ACSM2B: variants seen among roughly 807,000 people sequenced by gnomAD.
ACSM2B encodes the protein acyl-CoA synthetase medium chain family member 2B.
In ACSM2B, 58 loss-of-function variants were observed where a neutral mutation model predicts 78.6. The observed-to-expected ratio is 0.74, with a 90% CI of 0.60 to 0.92. The LOEUF (loss-of-function observed/expected upper bound fraction) is 0.92. Among genes scored for constraint, ACSM2B ranks in the 40% least tolerant of loss-of-function variants. The probability of loss-of-function intolerance (pLI) is 0.00; values close to 1 mark genes in which losing one functional copy is unlikely to be tolerated. For synonymous variants in ACSM2B, 257 were observed against 256.8 expected (o/e 1.00, Z -0.01); for missense variants, 688 against 711.2 (o/e 0.97, Z 0.37).
intron 1 of ACSM2B, among the ~76,000 whole-genome samples, chr16:20,567,355 T>C (rs2015936223): frequency 8.6e-6 from 1 of 116,744 alleles, no homozygotes; most frequent in Non-Finnish European, 1.6e-5. Flanking sequence ...AAATATATTA[T>C]ATATTATATA....
At chr16:20,549,339 T>G (rs537177701) in intron 6 of ACSM2B, among the ~76,000 whole-genome samples, 2 of 152,044 alleles carry the variant, frequency 1.3e-5, no homozygotes, top group Non-Finnish European at 2.9e-5. Context: ...AAGTCCAAGG[T>G]CAAGAAGCTG....
intron 10 of ACSM2B, among the ~76,000 whole-genome samples, chr16:20,543,822 A>G (rs1181196860): frequency 5.9e-5 from 9 of 152,142 alleles, no homozygotes; most frequent in Non-Finnish European, 1.5e-5. Flanking sequence ...TGACTCAGGT[A>G]TAGGGGCATG....
At position 20,543,144 on chromosome 16, in the gene ACSM2B, T is replaced by C. The variant is rs775400530; in HGVS notation, c.1400A>G (p.Asn467Ser). The C allele has an allele frequency of 6.8e-6, 11 of 1,613,306 alleles. No homozygotes were observed. The highest frequency in any genetic ancestry group is 8.5e-6 in the Non-Finnish European group (10 of 1,179,812). ...CAGAAACCAAGCTCACCCGCTGGAG[T>C]TAATGATATCATCTGCCCGTCCCAT... ...QFMGRADDII[N>S]SSGYRIGPSE... The change falls in exon 11 of 14, where the codon AAC becomes AGC. Residue 467 changes from asparagine to serine, a missense_variant. Physicochemically the swap from Asn to Ser is conservative, Grantham distance 46. Coordinates refer to ENST00000329697, the MANE Select transcript of ACSM2B (RefSeq NM_001105069.2).
At chr16:20,551,271 T>C (rs559628625) in intron 6 of ACSM2B, among the ~76,000 whole-genome samples, 5 of 151,978 alleles carry the variant, frequency 3.3e-5, no homozygotes, top group East Asian at 1.9e-4. Flanking sequence ...TTTACAGGGG[T>C]GTCTGATATG....
chr16:20,556,505 C>G (rs144711399), intron 3 of ACSM2B, among the ~76,000 whole-genome samples: 13 of 152,110 alleles, frequency 8.5e-5, no homozygotes, highest in East Asian at 3.9e-4. Flanking sequence ...AGGAGGCTGA[C>G]GCAGGAGGAT....
chr16:20,561,760 A>T (rs1306351848), intron 2 of ACSM2B, among the ~76,000 whole-genome samples: 13 of 151,510 alleles, frequency 8.6e-5, no homozygotes, highest in African/African-American at 3.1e-4. Flanking sequence ...CATGTGCACA[A>T]CGTGCACGTT....
rs377039801 is a variant in ACSM2B, at chr16:20,564,661, C to G, written c.177+8G>C. On this transcript the variant is annotated splice_region_variant and intron_variant, in intron 2 of 13. Transcript: ENST00000329697. ...GTCTCACTCTGTGCCTCTTTTCCATCCCATTACCTTCTCCATGTCAGCCCA... is the reference window on the plus strand; with the variant it reads ...GTCTCACTCTGTGCCTCTTTTCCATGCCATTACCTTCTCCATGTCAGCCCA... 2.8e-5 allele frequency: 45 copies of G among 1,613,508 alleles called. No homozygotes were observed. The highest frequency in any genetic ancestry group is 3.7e-5 in the Non-Finnish European group (44 of 1,179,740).
intron 6 of ACSM2B, chr16:20,549,902 C>T (rs1179988598): frequency 1.1e-5 from 4 of 378,112 alleles, no homozygotes; most frequent in Admixed American, 9.8e-5. Flanking sequence ...AAAGGAATGC[C>T]TTAGTTAAGA....
chr16:20,570,746 C>T (rs1283090170), intron 1 of ACSM2B, among the ~76,000 whole-genome samples: 1 of 151,594 alleles, frequency 6.6e-6, no homozygotes, highest in Admixed American at 6.6e-5. Flanking sequence ...ATTTTAATCT[C>T]GCTGCTTGTT....
intron 11 of ACSM2B, 48 bp from the exon 12 acceptor site, chr16:20,543,061 G>A: frequency 6.2e-7 from 1 of 1,612,806 alleles, no homozygotes; most frequent in Non-Finnish European, 8.5e-7. Flanking sequence ...CGAACCTCTA[G>A]GCCATTCCGG....
intron 8 of ACSM2B, 75 bp downstream of exon 8, chr16:20,547,987 A>G (rs920360525): frequency 8.1e-6 from 13 of 1,597,430 alleles, no homozygotes; most frequent in Non-Finnish European, 1.1e-5. Flanking sequence ...ATGGTGGCTA[A>G]CATGTTTTAT....
At chr16:20,553,744 C>T (rs202048279) in intron 5 of ACSM2B, 33 bp downstream of exon 5, 4 of 1,601,288 alleles carry the variant, frequency 2.5e-6, no homozygotes, top group South Asian at 2.2e-5. Flanking sequence ...CCTGGTCATG[C>T]AATTCTCTGT....
intron 1 of ACSM2B, 64 bp from the exon 2 acceptor site, chr16:20,564,917 C>T (rs537562266): frequency 9.6e-5 from 146 of 1,525,646 alleles, no homozygotes; most frequent in Middle Eastern, 1.8e-4. Flanking sequence ...TGATCATCAG[C>T]GGCTTCAGGA....
At chr16:20,568,485 G>T (rs145494133) in intron 1 of ACSM2B, among the ~76,000 whole-genome samples, 1 of 150,222 alleles carries the variant, frequency 6.7e-6, no homozygotes, top group Non-Finnish European at 1.5e-5. Context: ...AGGCATTTGG[G>T]CTGGTTCCAT....
chr16:20,537,572 C>T (rs190549648), intron 13 of ACSM2B, among the ~76,000 whole-genome samples: 1 of 152,270 alleles, frequency 6.6e-6, no homozygotes, highest in East Asian at 1.9e-4. Context: ...GACATATTTT[C>T]AGACAGAGGA....
At chr16:20,572,707 C>T (rs1416421947) in intron 1 of ACSM2B, among the ~76,000 whole-genome samples, 1 of 151,508 alleles carries the variant, frequency 6.6e-6, no homozygotes, top group Non-Finnish European at 1.5e-5. Flanking sequence ...CTCAAGGATG[C>T]CAATTATTCT....
intron 1 of ACSM2B, chr16:20,574,745 C>G (rs2016197287): frequency 6.7e-6 from 1 of 149,668 alleles, no homozygotes; most frequent in African/African-American, 2.5e-5. Context: ...CAGCCACTAA[C>G]ATGATAAGAG....
intron 1 of ACSM2B, among the ~76,000 whole-genome samples, chr16:20,565,087 C>G (rs1464967190): frequency 1.3e-5 from 2 of 152,144 alleles, no homozygotes; most frequent in Non-Finnish European, 2.9e-5. Flanking sequence ...TTCAACACTT[C>G]TGACAGTTTT....
chr16:20,559,841 T>A (rs571307295), intron 2 of ACSM2B, among the ~76,000 whole-genome samples: 1 of 151,140 alleles, frequency 6.6e-6, no homozygotes, highest in Admixed American at 6.5e-5. Flanking sequence ...TAGAATAACA[T>A]TGGATCCTCT....
Sources: gnomAD v4.1 joint callset for allele counts (sites outside exome capture counted in the v4.1 genomes callset) on GRCh38, gnomAD v4.1.1 for gene constraint, MANE v1.5 for transcripts, NCBI Gene and HGNC (gene_info 2026-07-23, HGNC 2026-07-21) for gene names.